Variants in TEX55 observed in about 807,000 individuals in gnomAD.
TEX55 encodes the protein testis expressed 55, also known as testis-specific expressed protein 55.
A neutral mutation model predicts 44.6 loss-of-function variants in TEX55; 31 were observed. The observed-to-expected ratio is 0.69, with a 90% CI of 0.52 to 0.94. TEX55 has a LOEUF of 0.94. Among genes scored for constraint, TEX55 ranks in the 40% least tolerant of loss-of-function variants. The pLI is 0.00. For synonymous variants in TEX55, 230 were observed against 230.9 expected (o/e 1.00, Z 0.04); for missense variants, 639 against 638.4 (o/e 1.00, Z -0.01).
In TEX55 at chr3:119,148,240, A is replaced by C; in HGVS notation, c.1459A>C (p.Arg487=). Residue 487 remains arginine (R), a synonymous_variant, in exon 2 of 3, where the codon AGG becomes CGG. Coordinates refer to ENST00000295622, the MANE Select transcript of TEX55 (RefSeq NM_152539.3). ...TCATATACGCAATCAAACTTATAGA[A>C]GGTTCCCTTCTATAGTTTATGAAGA... ...GYHIRNQTYR[R]FPSIVYEDPY... is the part of the protein sequence containing the mutation. 1 of 1,612,078 alleles carries C rather than the reference A, an allele frequency of 6.2e-7. No homozygotes were observed. The highest frequency in any genetic ancestry group is 2.2e-5 in the East Asian group (1 of 44,822).
chr3:119,149,136 T>C (rs1011414685), intron 2 of TEX55, among the ~76,000 whole-genome samples: 1 of 151,870 alleles, frequency 6.6e-6, no homozygotes, highest in Admixed American at 6.5e-5. Flanking sequence ...TTTTTTACTT[T>C]ATAAATTTTT....
At chr3:119,148,119 G>A in intron 1 of TEX55, 61 bp from the exon 2 acceptor site, 1 of 1,442,562 alleles carries the variant, frequency 6.9e-7, no homozygotes, top group Non-Finnish European at 9.5e-7. Flanking sequence ...CACTGATAAT[G>A]ACAATTCCTA....
rs770879802 is a variant in TEX55 at position 119,146,351 on chromosome 3, G to A, written c.162G>A (p.Gln54=). Residue 54 remains glutamine, a synonymous_variant, in exon 1 of 3, where the codon CAG becomes CAA. Coordinates refer to ENST00000295622, the MANE Select transcript of TEX55 (RefSeq NM_152539.3). ...DNHTAHRIAD[Q]TALRVPSQAE... The stretch of plus-strand genomic sequence containing the variant: ...ACACTGCTCACAGAATAGCTGACCA[G>A]ACTGCCCTAAGAGTGCCTAGCCAGG... The A allele has an allele frequency of 6.8e-6, 11 of 1,614,028 alleles. No homozygotes were observed. The African/African-American group carries it at 1.5e-4, about 22-fold the overall frequency.
chr3:119,150,283 TC>T (rs1261641439), intron 2 of TEX55, among the ~76,000 whole-genome samples: 2 of 152,148 alleles, frequency 1.3e-5, no homozygotes, highest in Non-Finnish European at 2.9e-5. Context: ...TGTTGAGACT[TC>T]CATTGAGACA....
rs148150232 is a variant in TEX55 at position 119,149,148 on chromosome 3, A to AT, written c.1542+833dup. Among the ~76,000 whole-genome samples, 53 of 152,130 alleles carry AT rather than the reference A, an allele frequency of 3.5e-4. 1 individual carries two copies. In the South Asian group the frequency reaches 8.1e-3, roughly 23 times the overall value. On this transcript the variant is annotated intron_variant, in intron 2 of 2. Transcript: ENST00000295622. ...AGCTTTTTTACTTTATAAATTTTTA[A>AT]TTTTTTTTAATCTGACTTTTGTAAT...
intron 1 of TEX55, 72 bp downstream of exon 1, chr3:119,147,659 G>A (rs1262948399): frequency 2.3e-6 from 3 of 1,297,550 alleles, no homozygotes; most frequent in Non-Finnish European, 1.1e-6. Flanking sequence ...AGTAAAAATA[G>A]GGGTACAACG....
chr3:119,147,616 C>G (rs565961803), intron 1 of TEX55, 29 bp downstream of exon 1: 1 of 1,574,568 alleles, frequency 6.4e-7, no homozygotes, highest in East Asian at 2.2e-5. Flanking sequence ...TGATACCTAC[C>G]TGGGAGATCA....
At chr3:119,149,415 T>C (rs1174740531) in intron 2 of TEX55, among the ~76,000 whole-genome samples, 1 of 152,158 alleles carries the variant, frequency 6.6e-6, no homozygotes, top group Non-Finnish European at 1.5e-5. Flanking sequence ...TCAGAGGCAA[T>C]AACATGCATG....
chr3:119,147,486 C>G lies in TEX55; in HGVS notation c.1297C>G (p.Gln433Glu), dbSNP rs889335089. The G allele has an allele frequency of 1.9e-6, 3 of 1,614,108 alleles. No homozygotes were observed. The Admixed American group carries it at 5.0e-5, about 27-fold the overall frequency. Residue 433 changes from glutamine (Q) to glutamate (E), a missense_variant, in exon 1 of 3, where the codon CAA (glutamine) becomes GAA (glutamate). Physicochemically the swap from Gln to Glu is conservative, Grantham distance 29. Coordinates refer to ENST00000295622, the MANE Select transcript of TEX55 (RefSeq NM_152539.3). ...TGATGCCAGATTCACCAGTAACTTC[C>G]AAGCAAAAGACCAAGCTCTTTTCCC... ...PVDARFTSNF[Q>E]AKDQALFPRL...
intron 2 of TEX55, 30 bp downstream of exon 2, chr3:119,148,353 TA>T: frequency 6.3e-7 from 1 of 1,595,238 alleles, no homozygotes; most frequent in South Asian, 1.1e-5. Flanking sequence ...TCTTTAATTA[TA>T]AGTTTTTCAA....
intron 2 of TEX55, among the ~76,000 whole-genome samples, chr3:119,148,911 A>T (rs114736486): frequency 0.017 from 2,584 of 152,322 alleles, 71 homozygotes; most frequent in African/African-American, 0.06. Flanking sequence ...CATATGAGAG[A>T]TAAAAATGGT....
intron 1 of TEX55, 83 bp downstream of exon 1, chr3:119,147,670 G>C: frequency 9.0e-7 from 1 of 1,105,590 alleles, no homozygotes; most frequent in Non-Finnish European, 1.3e-6. Context: ...GGGTACAACG[G>C]AAGGGCACAT....
In TEX55 at chr3:119,146,702, C is replaced by G; in HGVS notation, c.513C>G (p.Asp171Glu). 1 of 1,614,170 alleles carries G rather than the reference C, an allele frequency of 6.2e-7. No individual in the cohort carries two copies. The highest frequency in any genetic ancestry group is 1.1e-5 in the South Asian group (1 of 91,080). ...QIDGRLAMPS[D>E]QRGSRQTDHR... ...ATGGTAGACTGGCTATGCCATCTGA[C>G]CAGAGAGGTTCCAGACAGACCGACC... The change falls in exon 1 of 3, where the codon GAC becomes GAG. Residue 171 changes from aspartate to glutamate, a missense_variant. Transcript: ENST00000295622.
intron 1 of TEX55, among the ~76,000 whole-genome samples, 179 bp from the exon 2 acceptor site, chr3:119,148,001 T>C (rs748335044): frequency 1.3e-4 from 20 of 152,152 alleles, no homozygotes; most frequent in Admixed American, 4.6e-4. Context: ...TCCCAGGACA[T>C]GAGGTGCATT....
chr3:119,148,832 C>A (rs1237618255), intron 2 of TEX55, among the ~76,000 whole-genome samples: 1 of 152,134 alleles, frequency 6.6e-6, no homozygotes, highest in African/African-American at 2.4e-5. Flanking sequence ...ATAATGAATA[C>A]TGTAGGCAAT....
At position 119,146,690 on chromosome 3, in the gene TEX55, T is replaced by C. The variant is rs1220014666; in HGVS notation, c.501T>C (p.Ala167=). The change falls in exon 1 of 3, where the codon GCT becomes GCC. Residue 167 remains alanine (A), a synonymous_variant. Coordinates refer to ENST00000295622, the MANE Select transcript of TEX55 (RefSeq NM_152539.3). ...CTGGGCAGATTGATGGTAGACTGGC[T>C]ATGCCATCTGACCAGAGAGGTTCCA... ...RTSGQIDGRL[A]MPSDQRGSRQ... 6.2e-7 allele frequency: 1 copy of C among 1,614,212 alleles called. No homozygotes were observed. Among genetic ancestry groups the C allele is most frequent in the Non-Finnish European group, 8.5e-7 (1 of 1,180,032 alleles).
At chr3:119,148,806 T>A (rs193086676) in intron 2 of TEX55, among the ~76,000 whole-genome samples, 22 of 152,354 alleles carry the variant, frequency 1.4e-4, no homozygotes, top group African/African-American at 5.0e-4. Context: ...GCCACAAACC[T>A]GTATTGTACA....
At chr3:119,151,192 CATA>C (rs2077778007) in intron 2 of TEX55, 29 bp from the exon 3 acceptor site, 1 of 1,422,926 alleles carries the variant, frequency 7.0e-7, no homozygotes, top group African/African-American at 1.4e-5. Flanking sequence ...TGCTCAGAAC[CATA>C]ATGTGATGCC....
rs752125305 is a variant in TEX55, at chr3:119,147,124, G to C, written c.935G>C (p.Gly312Ala). Residue 312 changes from glycine to alanine, a missense_variant, in exon 1 of 3, where the codon GGC becomes GCC. By Grantham distance (60) the Gly-to-Ala change is moderately conservative. Coordinates refer to ENST00000295622, the MANE Select transcript of TEX55 (RefSeq NM_152539.3). ...TSVKTHHQVY[G>A]QATELAEHQA... ...GTAAAGACTCACCACCAAGTGTACG[G>C]CCAAGCCACTGAACTAGCTGAACAC... 6.2e-7 allele frequency: 1 copy of C among 1,614,122 alleles called. No individual in the cohort carries two copies. The highest frequency in any genetic ancestry group is 1.1e-5 in the South Asian group (1 of 91,078).
Sources: gnomAD v4.1 joint callset for allele counts (sites outside exome capture counted in the v4.1 genomes callset) on GRCh38, gnomAD v4.1.1 for gene constraint, MANE v1.5 for transcripts, NCBI Gene and HGNC (gene_info 2026-07-23, HGNC 2026-07-21) for gene names.